Variants in ADGRD1 observed in about 807,000 individuals in gnomAD.
ADGRD1 encodes the protein adhesion G protein-coupled receptor D1, also known as G-protein coupled receptor 133.
In ADGRD1, 77 loss-of-function variants were observed where a neutral mutation model predicts 113.4. The observed-to-expected ratio is 0.68, with a 90% CI of 0.57 to 0.82. ADGRD1 has a LOEUF of 0.82. Ranked by LOEUF, ADGRD1 falls within the 40% of genes least tolerant of loss-of-function variation. The pLI, the probability that ADGRD1 is intolerant of heterozygous loss-of-function variation, is 0.00. For missense variants in ADGRD1, 1,036 were observed against 1,139.1 expected, an observed-to-expected ratio of 0.91 and a Z score of 1.30; for synonymous variants, 474 against 475.0, an observed-to-expected ratio of 1.00 and a Z score of 0.03.
intron 13 of ADGRD1, among the ~76,000 whole-genome samples, chr12:131,068,834 A>C (rs1305266824): frequency 6.6e-6 from 1 of 152,254 alleles, no homozygotes; most frequent in African/African-American, 2.4e-5. Flanking sequence ...TGAGATTTCA[A>C]GTAGCCATGG....
At position 131,138,230 on chromosome 12, in the gene ADGRD1, G is replaced by A. The variant is rs1247622030; in HGVS notation, c.2529+1G>A. ...CGCGAAGCCCTTCCACTCGGACCTC[G>A]TGAGTGCAGCCTCCATAAACCGAGG... is the stretch of plus-strand genomic sequence containing the variant. On this transcript the variant is annotated splice_donor_variant, in intron 24 of 24. Transcript: ENST00000261654. LOFTEE classifies it high-confidence loss of function. 15 of 1,611,930 alleles carry A rather than the reference G, an allele frequency of 9.3e-6. No individual in the cohort carries two copies. The highest frequency in any genetic ancestry group is 1.3e-5 in the Non-Finnish European group (15 of 1,178,842).
chr12:131,015,153 G>A (rs1878405070), intron 13 of ADGRD1, among the ~76,000 whole-genome samples: 1 of 152,270 alleles, frequency 6.6e-6, no homozygotes, highest in Admixed American at 6.5e-5. Flanking sequence ...GGCCAAGGCC[G>A]ACTCTGTGCG....
At chr12:131,119,286 C>T (rs1335523866) in intron 19 of ADGRD1, among the ~76,000 whole-genome samples, 2 of 152,186 alleles carry the variant, frequency 1.3e-5, no homozygotes, top group Non-Finnish European at 2.9e-5. Context: ...GCCTTTTCCA[C>T]GTTGGTGCAG....
intron 13 of ADGRD1, among the ~76,000 whole-genome samples, chr12:131,052,367 A>G (rs932930055): frequency 6.6e-6 from 1 of 152,198 alleles, no homozygotes; most frequent in Non-Finnish European, 1.5e-5. Context: ...CCACATCACC[A>G]TCACTTCTCG....
At chr12:131,006,213 T>A (rs1877097934) in intron 12 of ADGRD1, among the ~76,000 whole-genome samples, 166 bp downstream of exon 12, 1 of 152,134 alleles carries the variant, frequency 6.6e-6, no homozygotes, top group African/African-American at 2.4e-5. Flanking sequence ...TGAAGGCCAC[T>A]TGGGAACTGC....
intron 15 of ADGRD1, among the ~76,000 whole-genome samples, chr12:131,103,097 G>A (rs1226034078): frequency 6.6e-6 from 1 of 152,236 alleles, no homozygotes; most frequent in Non-Finnish European, 1.5e-5. Context: ...CAACGTCCGT[G>A]GAGAGGGAAG....
At chr12:131,040,988 GT>G (rs1882078911) in intron 13 of ADGRD1, among the ~76,000 whole-genome samples, 1 of 152,212 alleles carries the variant, frequency 6.6e-6, no homozygotes, top group Admixed American at 6.5e-5. Context: ...TGGCAGGACA[GT>G]GGGGCTGAAT....
In ADGRD1 at chr12:131,003,710, C is replaced by T. The variant is rs1050602063; in HGVS notation, c.1144+408C>T. Among the ~76,000 whole-genome samples, 3 of 152,208 alleles carry T rather than the reference C, an allele frequency of 2.0e-5. No individual in the cohort carries two copies. Among genetic ancestry groups the T allele is most frequent in the Admixed American group, 1.3e-4 (2 of 15,286 alleles). On this transcript the variant is annotated intron_variant, in intron 10 of 24. Transcript: ENST00000261654. The surrounding 1 kb of genome is among the most constrained non-coding windows in gnomAD (Gnocchi z 4.8). ...TGTAGAGGCAGAGGTGATGACCTTT[C>T]GATTTTAAAAGTCTTTACCAGGAGT...
intron 23 of ADGRD1, among the ~76,000 whole-genome samples, chr12:131,137,455 T>C (rs1450823120): frequency 6.6e-6 from 1 of 152,234 alleles, no homozygotes; most frequent in Non-Finnish European, 1.5e-5. Context: ...ACCTGCCATG[T>C]ACTTGGCTGG....
intron 13 of ADGRD1, among the ~76,000 whole-genome samples, chr12:131,055,508 G>A (rs1883786250): frequency 6.6e-6 from 1 of 152,170 alleles, no homozygotes; most frequent in Admixed American, 6.5e-5. Flanking sequence ...TTTGATGTGT[G>A]TTCATTTTAT....
intron 13 of ADGRD1, among the ~76,000 whole-genome samples, chr12:131,046,491 G>GC (rs1254921194): frequency 7.4e-6 from 1 of 135,476 alleles, no homozygotes; most frequent in Admixed American, 7.4e-5. Flanking sequence ...CCTGGTCAGT[G>GC]TCCTCCCTGG....
In ADGRD1 at chr12:131,003,625, G is replaced by C. The variant is rs577849674; in HGVS notation, c.1144+323G>C. 6.6e-6 allele frequency among the ~76,000 whole-genome samples: 1 copy of C among 152,306 alleles called. No individual in the cohort carries two copies. The highest frequency in any genetic ancestry group is 6.5e-5 in the Admixed American group (1 of 15,298). On this transcript the variant is annotated intron_variant, in intron 10 of 24. Transcript: ENST00000261654. This position sits in a 1 kb window ranked among gnomAD's most constrained non-coding sequence, Gnocchi z 4.8. ...CTGTGGAATAAAAGGGGTGGCCTCGGGTTTCTGGCGTCAGCTTGCTCTCAG... is the reference window on the plus strand; with the variant it reads ...CTGTGGAATAAAAGGGGTGGCCTCGCGTTTCTGGCGTCAGCTTGCTCTCAG...
Position 131,096,865 on chromosome 12 carries a change from C to T in ADGRD1, c.1672-7966C>T, listed in dbSNP as rs546277236. Among the ~76,000 whole-genome samples, 3 of 152,304 alleles carry T rather than the reference C, an allele frequency of 2.0e-5. No homozygotes were observed. Among genetic ancestry groups the T allele is most frequent in the South Asian group, 2.1e-4 (1 of 4,826 alleles). ...TGAGATCCACCTGCCTCCTGCTGCCCGGCTCTGCCTCCCACGGCCGACCAC... is the reference window on the plus strand; with the variant it reads ...TGAGATCCACCTGCCTCCTGCTGCCTGGCTCTGCCTCCCACGGCCGACCAC... On this transcript the variant is annotated intron_variant, in intron 15 of 24. Coordinates refer to ENST00000261654, the MANE Select transcript of ADGRD1 (RefSeq NM_198827.5). The surrounding 1 kb of genome is among the most constrained non-coding windows in gnomAD (Gnocchi z 5.2).
intron 18 of ADGRD1, among the ~76,000 whole-genome samples, chr12:131,115,002 G>A (rs1950430668): frequency 6.6e-6 from 1 of 152,084 alleles, no homozygotes; most frequent in South Asian, 2.1e-4. Context: ...TTCCTCTAGG[G>A]ACAAAACTTA....
At chr12:131,071,842 C>T (rs1248110293) in intron 13 of ADGRD1, among the ~76,000 whole-genome samples, 1 of 151,600 alleles carries the variant, frequency 6.6e-6, no homozygotes, top group Non-Finnish European at 1.5e-5. Flanking sequence ...ACGCTGTACC[C>T]TCCTCTGTGG....
chr12:131,082,765 A>G (rs1317427695), intron 14 of ADGRD1, among the ~76,000 whole-genome samples: 1 of 152,216 alleles, frequency 6.6e-6, no homozygotes, highest in African/African-American at 2.4e-5. Flanking sequence ...TTCTGAAGTT[A>G]TTAATGGGGT....
At chr12:131,046,607 C>G (rs1354002506) in intron 13 of ADGRD1, among the ~76,000 whole-genome samples, 1 of 124,082 alleles carries the variant, frequency 8.1e-6, no homozygotes, top group African/African-American at 3.4e-5. Context: ...CCTCCCTGGT[C>G]AGTGCCCCCT....
intron 16 of ADGRD1, 118 bp downstream of exon 16, chr12:131,105,052 G>GCTGGAAAGGT (rs1391739202): frequency 1.3e-6 from 1 of 751,608 alleles, no homozygotes; most frequent in Non-Finnish European, 2.1e-6. Context: ...ACCAGGCTTA[G>GCTGGAAAGGT]CTGGAAAGGT....
chr12:130,961,711 T>A (rs73164858), intron 2 of ADGRD1, among the ~76,000 whole-genome samples: 5,625 of 152,240 alleles, frequency 0.037, 123 homozygotes, highest in Middle Eastern at 0.071. Flanking sequence ...CTATGAGTTA[T>A]TTTACTCCTT....
Sources: gnomAD v4.1 joint callset for allele counts (sites outside exome capture counted in the v4.1 genomes callset) on GRCh38, gnomAD v4.1.1 for gene constraint, Gnocchi (gnomAD v3.1) non-coding constraint, MANE v1.5 for transcripts, NCBI Gene and HGNC (gene_info 2026-07-23, HGNC 2026-07-21) for gene names.